The following BICC1 variants were observed in gnomAD, a reference collection of about 807,000 sequenced individuals.
BICC1 encodes the protein protein bicaudal C homolog 1.
BICC1 carries 43 observed loss-of-function variants against 111.0 expected under a neutral mutation model. The ratio of observed to expected loss-of-function variants is 0.39; its 90% CI spans 0.30 to 0.50. The LOEUF (loss-of-function observed/expected upper bound fraction) is 0.50, where lower values mean the gene tolerates loss of function less well. Ranked by LOEUF, BICC1 falls within the 20% of genes least tolerant of loss-of-function variation. BICC1 has a pLI of 0.88. For missense variants in BICC1, 1,091 were observed against 1,203.2 expected, an observed-to-expected ratio of 0.91 and a Z score of 1.38; for synonymous variants, 467 against 434.4, an observed-to-expected ratio of 1.07 and a Z score of -0.93.
At chr10:58,645,440 G>T (rs960034423) in intron 2 of BICC1, among the ~76,000 whole-genome samples, 1 of 144,512 alleles carries the variant, frequency 6.9e-6, no homozygotes, top group East Asian at 2.0e-4. Flanking sequence ...AAAAAAGAGG[G>T]AAAAGGTATG....
chr10:58,785,222 A>C, intron 4 of BICC1, 142 bp downstream of exon 4: 1 of 501,448 alleles, frequency 2.0e-6, no homozygotes, highest in Non-Finnish European at 3.6e-6. Context: ...GTGATTCTAC[A>C]GTGGATGTAA....
At chr10:58,611,833 A>G (rs1216976494) in intron 1 of BICC1, among the ~76,000 whole-genome samples, 1 of 152,124 alleles carries the variant, frequency 6.6e-6, no homozygotes, top group East Asian at 1.9e-4. Flanking sequence ...TTAAGATTGC[A>G]TTTTTGACCA....
At chr10:58,775,376 A>AAAAAAAC (rs902767458) in intron 3 of BICC1, among the ~76,000 whole-genome samples, 2 of 151,892 alleles carry the variant, frequency 1.3e-5, no homozygotes, top group African/African-American at 2.4e-5. Flanking sequence ...TCTGTCTCAA[A>AAAAAAAC]AAAAAACAAA....
At chr10:58,732,413 A>ACTGG (rs1841341918) in intron 3 of BICC1, among the ~76,000 whole-genome samples, 3 of 71,798 alleles carry the variant, frequency 4.2e-5, no homozygotes, top group African/African-American at 5.9e-5. Flanking sequence ...ATATATATAT[A>ACTGG]TATATATATA....
intron 1 of BICC1, among the ~76,000 whole-genome samples, chr10:58,534,631 G>A (rs1029871604): frequency 2.8e-4 from 42 of 151,410 alleles, no homozygotes; most frequent in African/African-American, 1.0e-3. Context: ...AGAAGAAATA[G>A]TCTACCCAAA....
At chr10:58,731,415 A>G (rs1477346355) in intron 3 of BICC1, among the ~76,000 whole-genome samples, 1 of 152,100 alleles carries the variant, frequency 6.6e-6, no homozygotes, top group Admixed American at 6.5e-5. Context: ...ATACTCTTTG[A>G]ACCTCTTCCT....
intron 2 of BICC1, among the ~76,000 whole-genome samples, chr10:58,669,118 A>G (rs1011927286): frequency 6.6e-6 from 1 of 152,054 alleles, no homozygotes; most frequent in Admixed American, 6.6e-5. Flanking sequence ...TAGGTAGTGT[A>G]TATGAATAGG....
intron 3 of BICC1, among the ~76,000 whole-genome samples, chr10:58,784,581 G>A (rs1363220555): frequency 2.0e-5 from 3 of 152,232 alleles, no homozygotes; most frequent in South Asian, 2.1e-4. Context: ...AGTTTCCTCT[G>A]TAAACAACGT....
chr10:58,598,050 A>G (rs1483034437), intron 1 of BICC1, among the ~76,000 whole-genome samples: 2 of 152,142 alleles, frequency 1.3e-5, no homozygotes, highest in African/African-American at 4.8e-5. Context: ...AAGAATTACA[A>G]AAGTCTTATT....
At chr10:58,707,061 C>T (rs910285930) in intron 3 of BICC1, among the ~76,000 whole-genome samples, 1 of 152,284 alleles carries the variant, frequency 6.6e-6, no homozygotes, top group South Asian at 2.1e-4. Context: ...GAGGCATTGA[C>T]TGGGTTACTT....
At position 58,830,078 on chromosome 10, in the gene BICC1, T is replaced by A. The variant is rs931311333; in HGVS notation, c.*1187T>A. 1 of 151,994 alleles carries A rather than the reference T, an allele frequency of 6.6e-6. No individual in the cohort carries two copies. The highest frequency in any genetic ancestry group is 6.6e-5 in the Admixed American group (1 of 15,236). 9.4% of individuals were successfully genotyped at this position (151,994 alleles called of 1,614,324 possible). A position where few individuals can be genotyped will look rare whatever the true frequency, so the allele number is the denominator to read the frequency against. On this transcript the variant is annotated 3_prime_UTR_variant, in exon 21 of 21. Transcript: ENST00000373886. ...TATCTGTCTGCTTGAAGTAGACTTA[T>A]GTTTGTTGAGAATGAACAGGCTTAT...
At chr10:58,615,089 A>C (rs1845556763) in intron 1 of BICC1, among the ~76,000 whole-genome samples, 1 of 151,978 alleles carries the variant, frequency 6.6e-6, no homozygotes, top group African/African-American at 2.4e-5. Context: ...CCCCCGAGAC[A>C]CTTTTCATTA....
intron 18 of BICC1, among the ~76,000 whole-genome samples, chr10:58,814,942 A>G (rs1844041257): frequency 6.6e-6 from 1 of 152,214 alleles, no homozygotes; most frequent in African/African-American, 2.4e-5. Flanking sequence ...CATAAACAGG[A>G]AAAAATTAAC....
At chr10:58,517,892 A>G (rs1430840220) in intron 1 of BICC1, among the ~76,000 whole-genome samples, 1 of 152,256 alleles carries the variant, frequency 6.6e-6, no homozygotes, top group Non-Finnish European at 1.5e-5. Flanking sequence ...TATGTATAAA[A>G]TGCACTTTCT....
Position 58,620,102 on chromosome 10 carries a change from A to G in BICC1, c.191-753A>G, listed in dbSNP as rs1240171864. ...CTGAGTCTGTTGCAAGCAAGATGCT[A>G]TTGGCTCTTTATCACTTCTCTCCTT... is the stretch of plus-strand genomic sequence containing the variant. On this transcript the variant is annotated intron_variant, in intron 1 of 20. Coordinates refer to ENST00000373886, the MANE Select transcript of BICC1 (RefSeq NM_001080512.3). Among the ~76,000 whole-genome samples the G allele has an allele frequency of 2.6e-5, 4 of 152,108 alleles. No homozygotes were observed. The East Asian group carries it at 7.7e-4, about 29-fold the overall frequency.
intron 3 of BICC1, among the ~76,000 whole-genome samples, chr10:58,760,328 AAC>A (rs1188049262): frequency 6.6e-6 from 1 of 152,154 alleles, no homozygotes; most frequent in Non-Finnish European, 1.5e-5. Context: ...ATCTATACCT[AAC>A]AGTTTTGCAT....
At chr10:58,772,966 C>A (rs1299398603) in intron 3 of BICC1, among the ~76,000 whole-genome samples, 1 of 152,086 alleles carries the variant, frequency 6.6e-6, no homozygotes, top group African/African-American at 2.4e-5. Flanking sequence ...TCTCAAAGGT[C>A]CTATAAGCAT....
intron 2 of BICC1, among the ~76,000 whole-genome samples, chr10:58,632,063 G>A (rs1837809835): frequency 6.6e-6 from 1 of 152,148 alleles, no homozygotes; most frequent in African/African-American, 2.4e-5. Flanking sequence ...GGAAGTGATA[G>A]TTTTCGGTAT....
intron 1 of BICC1, among the ~76,000 whole-genome samples, chr10:58,541,303 T>G (rs1842974180): frequency 6.6e-6 from 1 of 152,072 alleles, no homozygotes; most frequent in South Asian, 2.1e-4. Flanking sequence ...AAAACCCTAA[T>G]GATTCCACAC....
Sources: gnomAD v4.1 joint callset for allele counts (sites outside exome capture counted in the v4.1 genomes callset) on GRCh38, gnomAD v4.1.1 for gene constraint, MANE v1.5 for transcripts, NCBI Gene and HGNC (gene_info 2026-07-23, HGNC 2026-07-21) for gene names.